Variants in IFT74 observed in about 807,000 individuals in gnomAD.
The protein encoded by IFT74 is intraflagellar transport protein 74 homolog.
IFT74 carries 92 observed loss-of-function variants against 96.7 expected under a neutral mutation model. The observed-to-expected ratio is 0.95, with a 90% CI of 0.80 to 1.13. The LOEUF is 1.13. Ranked by LOEUF, IFT74 falls within the 50% of genes most tolerant of loss-of-function variation. IFT74 has a pLI of 0.00. For missense variants in IFT74, 811 were observed against 698.2 expected (o/e 1.16, Z -1.82); for synonymous variants, 223 against 213.2 (o/e 1.05, Z -0.40).
Position 27,063,414 on chromosome 9 carries a change from C to G in IFT74, c.*678C>G, listed in dbSNP as rs998027480. On this transcript the variant is annotated 3_prime_UTR_variant, in exon 20 of 20. Transcript: ENST00000380062. ...ATGGCTACTGCTGTTCATTGCCACC[C>G]TGCAGTATGCATTTACTCTCTTGTA... Among the ~76,000 whole-genome samples the G allele has an allele frequency of 3.9e-5, 6 of 152,100 alleles. No homozygotes were observed. Among genetic ancestry groups the G allele is most frequent in the South Asian group, 2.1e-4 (1 of 4,826 alleles).
chr9:27,007,623 A>AT (rs923890292), intron 8 of IFT74, among the ~76,000 whole-genome samples: 3 of 151,958 alleles, frequency 2.0e-5, no homozygotes, highest in African/African-American at 7.2e-5. Context: ...TTATTTTGAG[A>AT]TTTTTTTTGG....
chr9:27,040,976 A>G (rs1331662795), intron 13 of IFT74, among the ~76,000 whole-genome samples: 1 of 152,096 alleles, frequency 6.6e-6, no homozygotes, highest in African/African-American at 2.4e-5. Context: ...TGCTCAGACT[A>G]TTGGCAGTGC....
intron 2 of IFT74, among the ~76,000 whole-genome samples, chr9:26,968,493 C>G (rs1587252965): frequency 6.6e-6 from 1 of 152,160 alleles, no homozygotes; most frequent in African/African-American, 2.4e-5. Context: ...AACTCCTGAC[C>G]TCGTGATCCG....
chr9:27,026,063 C>T (rs1829848962), intron 12 of IFT74, among the ~76,000 whole-genome samples: 2 of 152,138 alleles, frequency 1.3e-5, no homozygotes, highest in Non-Finnish European at 2.9e-5. Context: ...AAGAATTCAC[C>T]AACCAAGTAT....
intron 4 of IFT74, among the ~76,000 whole-genome samples, chr9:26,980,947 T>C (rs1318487867): frequency 1.3e-5 from 2 of 152,200 alleles, no homozygotes; most frequent in East Asian, 3.8e-4. Flanking sequence ...TATTTCTTAC[T>C]GTTCCGGAGA....
intron 13 of IFT74, among the ~76,000 whole-genome samples, chr9:27,035,266 G>A (rs1819118282): frequency 6.6e-6 from 1 of 152,200 alleles, no homozygotes; most frequent in Non-Finnish European, 1.5e-5. Flanking sequence ...CCTTCAGGAT[G>A]TACAAAATAA....
intron 2 of IFT74, among the ~76,000 whole-genome samples, chr9:26,963,541 T>C (rs1048452619): frequency 8.0e-5 from 12 of 150,904 alleles, no homozygotes; most frequent in Admixed American, 6.6e-5. Context: ...CACACTGACT[T>C]CCACAATGGT....
At chr9:27,062,423 T>C (rs1820467019) in intron 19 of IFT74, among the ~76,000 whole-genome samples, 195 bp from the exon 20 acceptor site, 1 of 152,210 alleles carries the variant, frequency 6.6e-6, no homozygotes, top group Admixed American at 6.5e-5. Context: ...TATGAATTTT[T>C]TGCGGTAAGT....
chr9:27,019,611 A>G (rs1829503861), intron 12 of IFT74, among the ~76,000 whole-genome samples: 1 of 151,066 alleles, frequency 6.6e-6, no homozygotes, highest in Non-Finnish European at 1.5e-5. Flanking sequence ...CATGCTTAGT[A>G]TTTTATTAAT....
At chr9:27,005,734 C>T (rs1828742163) in intron 8 of IFT74, 2 of 151,714 alleles carry the variant, frequency 1.3e-5, no homozygotes, top group Admixed American at 1.3e-4. Context: ...AAAAAAAAAA[C>T]TAGACTTCCT....
At chr9:27,024,364 C>G (rs1434450668) in intron 12 of IFT74, among the ~76,000 whole-genome samples, 1 of 152,214 alleles carries the variant, frequency 6.6e-6, no homozygotes, top group African/African-American at 2.4e-5. Context: ...CTCCCAAGTA[C>G]AAGCCCAGAG....
chr9:27,017,081 T>C, intron 11 of IFT74, 31 bp downstream of exon 11: 1 of 1,576,850 alleles, frequency 6.3e-7, no homozygotes, highest in Non-Finnish European at 8.6e-7. Context: ...TATTTTAAGA[T>C]GTCTGGTTTT....
chr9:26,969,444 G>A (rs984209047), intron 2 of IFT74, among the ~76,000 whole-genome samples: 1 of 151,644 alleles, frequency 6.6e-6, no homozygotes, highest in African/African-American at 2.4e-5. Context: ...TAGCCTATGT[G>A]TGTCTTTTAG....
In IFT74 at chr9:26,984,302, G is replaced by T; in HGVS notation, c.351G>T (p.Lys117Asn). Residue 117 changes from lysine to asparagine, a missense_variant, in exon 5 of 20, where the codon AAG (lysine) becomes AAT (asparagine). Transcript: ENST00000380062. ...CAACTGAAGTTAATAAACTTCAGAA[G>T]GGAATAGAAATGTACAATCAAGAGA... is the stretch of plus-strand genomic sequence containing the variant. ...ELTTEVNKLQ[K>N]GIEMYNQENS... 1 of 1,578,702 alleles carries T rather than the reference G, an allele frequency of 6.3e-7. No homozygotes were observed. The highest frequency in any genetic ancestry group is 1.2e-5 in the South Asian group (1 of 85,264).
intron 18 of IFT74, among the ~76,000 whole-genome samples, chr9:27,056,738 A>T (rs1820176305): frequency 6.6e-6 from 1 of 152,096 alleles, no homozygotes; most frequent in East Asian, 1.9e-4. Context: ...GTGAAACATT[A>T]CTAATACAGA....
In IFT74 at chr9:27,062,758, C is replaced by T. The variant is rs377624020; in HGVS notation, c.*22C>T. 13 of 1,229,220 alleles carry T rather than the reference C, an allele frequency of 1.1e-5. No homozygotes were observed. In the African/African-American group the frequency reaches 2.0e-4, roughly 19 times the overall value. The allele number at this position is 1,229,220 out of a possible 1,614,324, so 76.1% of individuals were successfully genotyped here. A position where few individuals can be genotyped will look rare whatever the true frequency, so the allele number is the denominator to read the frequency against. ...CTGAGTTTAAGTCCACTGAAAGTCT[C>T]TAAGGAAGTATCCTCTTGCTGCTAA... On this transcript the variant is annotated 3_prime_UTR_variant, in exon 20 of 20. Transcript: ENST00000380062.
chr9:26,959,211 C>T (rs999388129), intron 1 of IFT74, among the ~76,000 whole-genome samples: 7 of 152,176 alleles, frequency 4.6e-5, no homozygotes, highest in Non-Finnish European at 8.8e-5. Context: ...CGGGTTCACG[C>T]CATTCTCCTG....
intron 12 of IFT74, 76 bp downstream of exon 12, chr9:27,018,763 C>A: frequency 2.6e-6 from 2 of 776,504 alleles, no homozygotes; most frequent in Non-Finnish European, 4.0e-6. Flanking sequence ...ACAGGAGTGG[C>A]TTTCATTCTT....
intron 18 of IFT74, among the ~76,000 whole-genome samples, chr9:27,057,231 T>C (rs185867573): frequency 3.9e-5 from 6 of 152,302 alleles, no homozygotes; most frequent in Admixed American, 3.9e-4. Context: ...ATATCTCCAA[T>C]TATTTACATA....
Sources: gnomAD v4.1 joint callset for allele counts (sites outside exome capture counted in the v4.1 genomes callset) on GRCh38, gnomAD v4.1.1 for gene constraint, MANE v1.5 for transcripts, NCBI Gene and HGNC (gene_info 2026-07-23, HGNC 2026-07-21) for gene names.